Variants in TRHDE observed in about 807,000 individuals in gnomAD.
The protein encoded by TRHDE is thyrotropin-releasing hormone-degrading ectoenzyme.
TRHDE carries 72 observed loss-of-function variants against 125.7 expected under a neutral mutation model. That is an observed-to-expected ratio of 0.57 (90% CI 0.47 to 0.70). The LOEUF (loss-of-function observed/expected upper bound fraction) is 0.70, where lower values mean the gene tolerates loss of function less well. TRHDE is among the 30% of genes least tolerant of loss of function. The pLI is 0.00. For synonymous variants in TRHDE, 509 were observed against 509.1 expected (o/e 1.00, Z 0.00); for missense variants, 1,110 against 1,327.1 (o/e 0.84, Z 2.54).
chr12:72,157,650 T>C (rs1169509478), intron 2 of TRHDE, among the ~76,000 whole-genome samples: 2 of 152,130 alleles, frequency 1.3e-5, no homozygotes, highest in Non-Finnish European at 2.9e-5. Flanking sequence ...AGTTTTAGAG[T>C]TGGGGAAGAC....
At chr12:72,428,058 AC>A (rs1174059415) in intron 3 of TRHDE, among the ~76,000 whole-genome samples, 1 of 152,152 alleles carries the variant, frequency 6.6e-6, no homozygotes, top group African/African-American at 2.4e-5. Context: ...ATAAATGTTA[AC>A]AGTAGTCGTA....
At chr12:72,243,476 T>A (rs1878520366) in intron 2 of TRHDE, among the ~76,000 whole-genome samples, 1 of 152,204 alleles carries the variant, frequency 6.6e-6, no homozygotes, top group African/African-American at 2.4e-5. Context: ...GAAGAATTCA[T>A]TTTAAAAAAG....
chr12:72,118,642 A>G (rs2139299799), intron 2 of TRHDE, among the ~76,000 whole-genome samples: 1 of 152,074 alleles, frequency 6.6e-6, no homozygotes, highest in Non-Finnish European at 1.5e-5. Flanking sequence ...TTCTTCTTTT[A>G]TGTTTGGTAA....
chr12:72,109,463 C>G (rs1466980235), intron 2 of TRHDE, among the ~76,000 whole-genome samples: 1 of 151,998 alleles, frequency 6.6e-6, no homozygotes, highest in East Asian at 1.9e-4. Flanking sequence ...TAACTAATAT[C>G]ACATAATAAG....
At chr12:72,487,178 T>C (rs1424047275) in intron 5 of TRHDE, among the ~76,000 whole-genome samples, 2 of 152,100 alleles carry the variant, frequency 1.3e-5, no homozygotes, top group Non-Finnish European at 2.9e-5. Flanking sequence ...AATATTCATA[T>C]TATGCAATTT....
chr12:72,495,597 G>C (rs1877881553), intron 5 of TRHDE, among the ~76,000 whole-genome samples: 1 of 151,992 alleles, frequency 6.6e-6, no homozygotes, highest in African/African-American at 2.4e-5. Context: ...ACAGTTTGCT[G>C]TTTATCTGTA....
intron 3 of TRHDE, among the ~76,000 whole-genome samples, chr12:72,425,129 G>A (rs1340481367): frequency 1.3e-5 from 2 of 152,092 alleles, no homozygotes; most frequent in Admixed American, 6.6e-5. Context: ...AATTGCATAT[G>A]CATTTTGTTG....
At chr12:72,392,512 T>C (rs539723112) in intron 3 of TRHDE, among the ~76,000 whole-genome samples, 1 of 152,276 alleles carries the variant, frequency 6.6e-6, no homozygotes, top group East Asian at 1.9e-4. Flanking sequence ...ATAATCAATA[T>C]CACAATGATC....
In TRHDE at chr12:72,663,422, T is replaced by C; in HGVS notation, c.*227T>C. The C allele has an allele frequency of 2.8e-6, 1 of 359,774 alleles. No homozygotes were observed. Among genetic ancestry groups the C allele is most frequent in the East Asian group, 4.8e-5 (1 of 20,706 alleles). The allele number at this position is 359,774 out of a possible 1,614,324, so 22.3% of individuals were successfully genotyped here. ...TGGGTGTTCCTCTCTAAAGAAACTC[T>C]TGCAAGTGAAACTAGCCATGATTGC... is the stretch of plus-strand genomic sequence containing the variant. On this transcript the variant is annotated 3_prime_UTR_variant, in exon 19 of 19. Coordinates refer to ENST00000261180, the MANE Select transcript of TRHDE (RefSeq NM_013381.3).
intron 2 of TRHDE, among the ~76,000 whole-genome samples, chr12:72,133,390 T>C (rs547276170): frequency 6.6e-6 from 1 of 152,188 alleles, no homozygotes; most frequent in African/African-American, 2.4e-5. Flanking sequence ...CAACAATGGC[T>C]GAGATTGCTG....
intron 10 of TRHDE, among the ~76,000 whole-genome samples, chr12:72,569,442 G>T (rs1464195863): frequency 6.6e-6 from 1 of 151,982 alleles, no homozygotes; most frequent in African/African-American, 2.4e-5. Context: ...ATGTTATTTT[G>T]CTCTCTCATA....
At chr12:72,536,450 T>C (rs1281160713) in intron 6 of TRHDE, among the ~76,000 whole-genome samples, 4 of 152,144 alleles carry the variant, frequency 2.6e-5, no homozygotes, top group African/African-American at 9.6e-5. Context: ...TTTCAGACTT[T>C]AGCTCAATTG....
At chr12:72,622,069 A>G (rs1248872744) in intron 15 of TRHDE, among the ~76,000 whole-genome samples, 1 of 152,122 alleles carries the variant, frequency 6.6e-6, no homozygotes, top group Non-Finnish European at 1.5e-5. Flanking sequence ...AATTCAATCC[A>G]GACTCTTTCA....
At chr12:72,642,400 C>T (rs1874101893) in intron 15 of TRHDE, among the ~76,000 whole-genome samples, 1 of 152,048 alleles carries the variant, frequency 6.6e-6, no homozygotes, top group African/African-American at 2.4e-5. Context: ...TCTATGCTTT[C>T]AAAAGTGTTA....
At chr12:72,227,996 C>T (rs1295310892) in intron 2 of TRHDE, among the ~76,000 whole-genome samples, 2 of 152,208 alleles carry the variant, frequency 1.3e-5, no homozygotes, top group Non-Finnish European at 2.9e-5. Context: ...CTCCTGGCTG[C>T]TTTCATGGGC....
chr12:72,626,754 C>G (rs1873275122), intron 15 of TRHDE, among the ~76,000 whole-genome samples: 1 of 151,810 alleles, frequency 6.6e-6, no homozygotes, highest in African/African-American at 2.4e-5. Context: ...TCTGATCCTT[C>G]TCATCAATGT....
chr12:72,499,506 G>C lies in TRHDE; in HGVS notation c.1593G>C (p.Gln531His). The C allele has an allele frequency of 6.2e-7, 1 of 1,613,568 alleles. No homozygotes were observed. Among genetic ancestry groups the C allele is most frequent in the South Asian group, 1.1e-5 (1 of 91,048 alleles). The change falls in exon 6 of 19, where the codon CAG becomes CAC. Residue 531 changes from glutamine to histidine, a missense_variant. Gln to His is a conservative substitution (Grantham distance 24). Around this residue, in one of 5 missense-constraint regions of TRHDE, gnomAD observed 527 missense variants for 651.8 expected, o/e 0.81. Coordinates refer to ENST00000261180, the MANE Select transcript of TRHDE (RefSeq NM_013381.3). The part of the protein sequence containing the change: ...YLYPGWNMEK[Q>H]RFLTDVLHEV... ...CGTCTGCTGTATTGCAGGAAAAGCA[G>C]AGGTTTCTGACCGATGTTCTGCATG... is the stretch of plus-strand genomic sequence containing the variant.
chr12:72,488,079 A>T (rs922162043), intron 5 of TRHDE, among the ~76,000 whole-genome samples: 3 of 152,130 alleles, frequency 2.0e-5, no homozygotes, highest in Non-Finnish European at 4.4e-5. Context: ...CAAATCACAA[A>T]AGTGGATAAT....
At chr12:72,189,864 G>A (rs768256398) in intron 2 of TRHDE, among the ~76,000 whole-genome samples, 1 of 152,170 alleles carries the variant, frequency 6.6e-6, no homozygotes, top group Non-Finnish European at 1.5e-5. Flanking sequence ...TTAGTCCTAT[G>A]AGCCTGCAGA....
Sources: allele counts gnomAD v4.1 joint callset (sites outside exome capture counted in the v4.1 genomes callset), GRCh38; gene constraint gnomAD v4.1.1; regional missense constraint gnomAD v4.1.1; transcripts MANE v1.5; gene names NCBI Gene and HGNC (gene_info 2026-07-23, HGNC 2026-07-21).